Variants in FMN2 observed in about 807,000 individuals in gnomAD.
FMN2 encodes the protein formin-2.
A neutral mutation model predicts 142.3 loss-of-function variants in FMN2; 51 were observed. The ratio of observed to expected loss-of-function variants is 0.36; its 90% CI spans 0.29 to 0.45. FMN2 has a LOEUF of 0.45. Among genes scored for constraint, FMN2 ranks in the 20% least tolerant of loss-of-function variants. FMN2 has a pLI of 1.00. For missense variants in FMN2, 1,936 were observed against 2,122.8 expected (o/e 0.91, Z 1.73); for synonymous variants, 882 against 869.8 (o/e 1.01, Z -0.25).
At chr1:240,229,365 CCTCT>C (rs1667459123) in intron 6 of FMN2, among the ~76,000 whole-genome samples, 1 of 152,068 alleles carries the variant, frequency 6.6e-6, no homozygotes, top group African/African-American at 2.4e-5. Context: ...CATCTCCCTC[CCTCT>C]CTCTTTCTTT....
intron 16 of FMN2, among the ~76,000 whole-genome samples, chr1:240,439,279 A>AAAAAAAAAAAAAAGAAAG (rs555074808): frequency 5.5e-4 from 69 of 124,716 alleles, no homozygotes; most frequent in Non-Finnish European, 8.4e-4. Context: ...TCAAAAAAAA[A>AAAAAAAAAAAAAAGAAAG]AAAGAAAGAA....
chr1:240,177,717 G>T, intron 2 of FMN2: 2 of 368,768 alleles, frequency 5.4e-6, no homozygotes, highest in East Asian at 4.4e-5. Context: ...GGCAAATGTG[G>T]TTATAAAGAT....
intron 16 of FMN2, among the ~76,000 whole-genome samples, chr1:240,445,713 T>C (rs1361954706): frequency 1.3e-5 from 2 of 151,382 alleles, no homozygotes; most frequent in East Asian, 1.9e-4. Context: ...TTTTTTTTTT[T>C]TTTCTGGAGA....
chr1:240,164,259 C>G (rs879921191), intron 2 of FMN2, among the ~76,000 whole-genome samples: 1 of 152,052 alleles, frequency 6.6e-6, no homozygotes, highest in Non-Finnish European at 1.5e-5. Context: ...TCACCTATTT[C>G]CTGACAAATT....
intron 8 of FMN2, among the ~76,000 whole-genome samples, chr1:240,326,129 G>A (rs1415894117): frequency 6.6e-6 from 1 of 152,152 alleles, no homozygotes; most frequent in African/African-American, 2.4e-5. Flanking sequence ...ATATATTTGT[G>A]CACATGTGTA....
rs1386608301 is a variant in FMN2 at position 240,211,116 on chromosome 1, G to C, written c.3946G>C (p.Glu1316Gln). The C allele has an allele frequency of 6.2e-7, 1 of 1,612,330 alleles. No homozygotes were observed. The highest frequency in any genetic ancestry group is 2.2e-5 in the East Asian group (1 of 44,834). The change falls in exon 6 of 18, where the codon GAA (glutamate) becomes CAA (glutamine). Residue 1316 changes from glutamate to glutamine, a missense_variant. Physicochemically the swap from Glu to Gln is conservative, Grantham distance 29. Coordinates refer to ENST00000319653, the MANE Select transcript of FMN2 (RefSeq NM_020066.5). ...AGACTCCAGTACTTCACTTATTTGGGAAAAAATTGAAGAGCCATCCATAGA... is the reference window on the plus strand; with the variant it reads ...AGACTCCAGTACTTCACTTATTTGGCAAAAAATTGAAGAGCCATCCATAGA... ...KRDSSTSLIWEKIEEPSIDCH... is the reference protein window; with the variant it reads ...KRDSSTSLIWQKIEEPSIDCH...
At chr1:240,145,530 ATTTTTTTTTTT>A (rs71168902) in intron 2 of FMN2, 67 of 84,512 alleles carry the variant, frequency 7.9e-4, no homozygotes, top group East Asian at 3.0e-3. Context: ...TTCTTTTTCT[ATTTTTTTTTTT>A]TTTTTTTTTT....
At chr1:240,245,512 T>C in intron 6 of FMN2, 1 of 471,480 alleles carries the variant, frequency 2.1e-6, no homozygotes. Context: ...GAGATCATGG[T>C]ATCACTGACT....
chr1:240,358,548 G>A (rs190856243), intron 14 of FMN2, among the ~76,000 whole-genome samples: 11 of 152,238 alleles, frequency 7.2e-5, no homozygotes, highest in South Asian at 6.2e-4. Context: ...ACTTCAGCAC[G>A]TCTGGGGAGG....
intron 16 of FMN2, among the ~76,000 whole-genome samples, chr1:240,461,392 A>C (rs1449377231): frequency 1.3e-5 from 2 of 152,166 alleles, no homozygotes; most frequent in Non-Finnish European, 2.9e-5. Flanking sequence ...TGCATTTGGC[A>C]CATTATAAGG....
At chr1:240,201,730 A>G (rs947504253) in intron 4 of FMN2, among the ~76,000 whole-genome samples, 6 of 152,214 alleles carry the variant, frequency 3.9e-5, no homozygotes, top group Non-Finnish European at 8.8e-5. Flanking sequence ...TTTTATGGAA[A>G]AAAAGTGAAT....
chr1:240,108,691 A>T (rs941002908), intron 1 of FMN2, among the ~76,000 whole-genome samples: 2 of 152,180 alleles, frequency 1.3e-5, no homozygotes, highest in African/African-American at 4.8e-5. Flanking sequence ...ACCTGTGTTG[A>T]CACCTTTTAA....
chr1:240,397,209 A>G (rs1282723556), intron 15 of FMN2, among the ~76,000 whole-genome samples: 1 of 152,118 alleles, frequency 6.6e-6, no homozygotes. Context: ...ATGATTAGCG[A>G]TGTTGAGCAT....
At chr1:240,455,996 TAATA>T (rs1676231174) in intron 16 of FMN2, among the ~76,000 whole-genome samples, 1 of 147,986 alleles carries the variant, frequency 6.8e-6, no homozygotes, top group Admixed American at 6.7e-5. Context: ...ATAATAATAA[TAATA>T]ATAAGTTGCA....
chr1:240,286,801 G>T (rs966239876), intron 7 of FMN2, among the ~76,000 whole-genome samples: 22 of 152,132 alleles, frequency 1.4e-4, no homozygotes, highest in African/African-American at 5.1e-4. Flanking sequence ...TTAAGATTTA[G>T]ACCATCTATT....
At chr1:240,170,431 A>T (rs562407317) in intron 2 of FMN2, 569 of 1,289,662 alleles carry the variant, frequency 4.4e-4, no homozygotes, top group Non-Finnish European at 5.9e-4. Flanking sequence ...GGCGGGTGAT[A>T]ACTGTCATCC....
intron 8 of FMN2, among the ~76,000 whole-genome samples, chr1:240,326,662 CA>C (rs1322380028): frequency 6.6e-6 from 1 of 151,658 alleles, no homozygotes; most frequent in Non-Finnish European, 1.5e-5. Flanking sequence ...GGTGTCTAAA[CA>C]AAATCAAACT....
At chr1:240,137,495 C>A (rs1662992321) in intron 2 of FMN2, among the ~76,000 whole-genome samples, 1 of 152,176 alleles carries the variant, frequency 6.6e-6, no homozygotes. Flanking sequence ...GGTTGGCTAG[C>A]CCCTGCTCTA....
intron 15 of FMN2, among the ~76,000 whole-genome samples, chr1:240,420,282 T>C (rs1287479090): frequency 6.6e-6 from 1 of 152,144 alleles, no homozygotes; most frequent in African/African-American, 2.4e-5. Context: ...GTGTGCCTAC[T>C]TCTCTCAGCT....
Sources: gnomAD v4.1 joint callset for allele counts (sites outside exome capture counted in the v4.1 genomes callset) on GRCh38, gnomAD v4.1.1 for gene constraint, MANE v1.5 for transcripts, NCBI Gene and HGNC (gene_info 2026-07-23, HGNC 2026-07-21) for gene names.